FHIT: variants seen among roughly 807,000 people sequenced by gnomAD.
FHIT encodes bis(5'-adenosyl)-triphosphatase.
FHIT carries 19 observed loss-of-function variants against 17.9 expected under a neutral mutation model. The observed-to-expected ratio is 1.06, with a 90% CI of 0.74 to 1.56. The LOEUF is 1.56. Ranked by LOEUF, FHIT falls within the 40% of genes most tolerant of loss-of-function variation. The pLI, the probability that FHIT is intolerant of heterozygous loss-of-function variation, is 0.00. For missense variants in FHIT, 248 were observed against 189.2 expected (o/e 1.31, Z -1.82); for synonymous variants, 81 against 69.7 (o/e 1.16, Z -0.81).
chr3:59,987,580 A>G (rs936652162), intron 7 of FHIT, among the ~76,000 whole-genome samples: 24 of 152,070 alleles, frequency 1.6e-4, no homozygotes, highest in Non-Finnish European at 3.1e-4. Context: ...TTTATACTGT[A>G]AGCTCATTTC....
chr3:61,157,773 T>C (rs2037573333), intron 2 of FHIT, among the ~76,000 whole-genome samples: 2 of 152,194 alleles, frequency 1.3e-5, no homozygotes, highest in African/African-American at 4.8e-5. Flanking sequence ...AGAACATTCA[T>C]AGCAGCACCA....
chr3:60,856,335 T>A (rs1703379550), intron 3 of FHIT: 1 of 152,142 alleles, frequency 6.6e-6, no homozygotes, highest in Non-Finnish European at 1.5e-5. Context: ...CCAGTTTTCC[T>A]CAGTTTAACT....
At chr3:59,887,245 G>T (rs1342355406) in intron 8 of FHIT, among the ~76,000 whole-genome samples, 1 of 152,144 alleles carries the variant, frequency 6.6e-6, no homozygotes, top group East Asian at 1.9e-4. Flanking sequence ...ACGAACCAGA[G>T]CAAGAACAGT....
At chr3:60,529,930 G>A (rs532191246) in intron 5 of FHIT, among the ~76,000 whole-genome samples, 18 of 99,750 alleles carry the variant, frequency 1.8e-4, no homozygotes, top group African/African-American at 3.8e-4. Flanking sequence ...GTGTAGATCC[G>A]CAGATCGTAA....
intron 5 of FHIT, among the ~76,000 whole-genome samples, chr3:60,155,077 C>A (rs536211279): frequency 7.1e-4 from 107 of 151,498 alleles, no homozygotes; most frequent in Non-Finnish European, 1.2e-3. Context: ...CTCTCAGCTA[C>A]TCGGGAGACT....
chr3:60,528,943 C>G (rs538230767), intron 5 of FHIT, among the ~76,000 whole-genome samples: 23 of 152,284 alleles, frequency 1.5e-4, no homozygotes, highest in Admixed American at 4.6e-4. Flanking sequence ...TACACATAAA[C>G]ATAACTCCAC....
chr3:60,478,049 C>A (rs1019704371), intron 5 of FHIT, among the ~76,000 whole-genome samples: 1 of 152,060 alleles, frequency 6.6e-6, no homozygotes, highest in South Asian at 2.1e-4. Flanking sequence ...AAAGTACTAA[C>A]AAAAATAATA....
chr3:59,955,108 A>G (rs1707326500), intron 7 of FHIT, among the ~76,000 whole-genome samples: 1 of 152,216 alleles, frequency 6.6e-6, no homozygotes, highest in Non-Finnish European at 1.5e-5. Context: ...TAGGAAAAAC[A>G]ACAGTAGCTA....
intron 5 of FHIT, among the ~76,000 whole-genome samples, chr3:60,394,526 G>C (rs17062966): frequency 6.6e-6 from 1 of 151,972 alleles, no homozygotes; most frequent in African/African-American, 2.4e-5. Context: ...AGGATGAAGC[G>C]GCAGTGGAGA....
At chr3:61,052,637 T>C (rs10866042) in intron 2 of FHIT, among the ~76,000 whole-genome samples, 107,913 of 151,762 alleles carry the variant, frequency 0.71, 40,358 homozygotes, top group East Asian at 0.99. Context: ...GACAAATTTA[T>C]GCTGTTATTG....
chr3:60,927,137 T>C (rs1331974827), intron 3 of FHIT, among the ~76,000 whole-genome samples: 4 of 152,188 alleles, frequency 2.6e-5, no homozygotes, highest in Admixed American at 1.3e-4. Flanking sequence ...GTGCCTGGGA[T>C]TGCAGGCGTG....
intron 4 of FHIT, among the ~76,000 whole-genome samples, chr3:60,806,046 T>C (rs952968662): frequency 6.6e-6 from 1 of 152,198 alleles, no homozygotes; most frequent in Non-Finnish European, 1.5e-5. Context: ...CCATAGGAAG[T>C]CCACAAGCCT....
At chr3:60,139,997 C>T (rs1699970753) in intron 5 of FHIT, among the ~76,000 whole-genome samples, 1 of 151,858 alleles carries the variant, frequency 6.6e-6, no homozygotes, top group Non-Finnish European at 1.5e-5. Context: ...TGACACATGC[C>T]TATAATCCCA....
At chr3:59,824,427 G>A (rs11130736) in intron 8 of FHIT, among the ~76,000 whole-genome samples, 60,415 of 152,098 alleles carry the variant, frequency 0.4, 13,254 homozygotes, top group Middle Eastern at 0.55. Context: ...CATGCTAGGT[G>A]TCCAGCATAA....
At chr3:60,060,127 T>C (rs997910683) in intron 5 of FHIT, among the ~76,000 whole-genome samples, 8 of 152,102 alleles carry the variant, frequency 5.3e-5, no homozygotes, top group Admixed American at 2.0e-4. Flanking sequence ...GGGGAGCCTC[T>C]ATAACTTCTT....
intron 3 of FHIT, among the ~76,000 whole-genome samples, chr3:60,928,759 G>A (rs1364727899): frequency 6.6e-6 from 1 of 152,138 alleles, no homozygotes; most frequent in African/African-American, 2.4e-5. Context: ...GGACCAGATG[G>A]ATTCACAGCC....
At chr3:61,196,817 G>A (rs1292503660) in intron 2 of FHIT, among the ~76,000 whole-genome samples, 1 of 152,168 alleles carries the variant, frequency 6.6e-6, no homozygotes. Context: ...TTCCTTAGAG[G>A]GATACAGCCA....
At chr3:60,082,641 C>T (rs3920478) in intron 5 of FHIT, among the ~76,000 whole-genome samples, 58,084 of 151,818 alleles carry the variant, frequency 0.38, 11,764 homozygotes, top group African/African-American at 0.51. Context: ...GCATCTGTGT[C>T]TTTTTGGCTT....
At chr3:59,986,536 T>TACACACAC (rs1337684679) in intron 7 of FHIT, among the ~76,000 whole-genome samples, 1 of 11,560 alleles carries the variant, frequency 8.7e-5, no homozygotes, top group African/African-American at 4.8e-4. Context: ...TATATATATA[T>TACACACAC]ATATACACAC....
Sources: allele counts gnomAD v4.1 joint callset (sites outside exome capture counted in the v4.1 genomes callset), GRCh38; gene constraint gnomAD v4.1.1; transcripts MANE v1.5; gene names NCBI Gene and HGNC (gene_info 2026-07-23, HGNC 2026-07-21).